The following ANKRD13C variants were observed in gnomAD, a reference collection of about 807,000 sequenced individuals.
ANKRD13C encodes the protein ankyrin repeat domain-containing protein 13C.
A neutral mutation model predicts 65.5 loss-of-function variants in ANKRD13C; 16 were observed. The ratio of observed to expected loss-of-function variants is 0.24; its 90% CI spans 0.17 to 0.37. ANKRD13C has a LOEUF of 0.37. Ranked by LOEUF, ANKRD13C falls within the 10% of genes least tolerant of loss-of-function variation. The pLI is 1.00. For synonymous variants in ANKRD13C, 235 were observed against 238.7 expected (o/e 0.98, Z 0.14); for missense variants, 503 against 655.9 (o/e 0.77, Z 2.55).
Position 70,308,598 on chromosome 1 carries a change from G to A in ANKRD13C, c.710-2308C>T, listed in dbSNP as rs150266842. Among the ~76,000 whole-genome samples, 893 of 152,014 alleles carry A rather than the reference G, an allele frequency of 5.9e-3. 9 individuals are homozygous for A. Among genetic ancestry groups the A allele is most frequent in the African/African-American group, 0.02 (831 of 41,504 alleles). On this transcript the variant is annotated intron_variant, in intron 5 of 12. Coordinates refer to ENST00000370944, the MANE Select transcript of ANKRD13C (RefSeq NM_030816.5). ...ACTAAAAATAGAAAAAATTAGCCAGGTGTGGTGGCGGGCGCCTGTAGTCCC... is the reference window on the plus strand; with the variant it reads ...ACTAAAAATAGAAAAAATTAGCCAGATGTGGTGGCGGGCGCCTGTAGTCCC...
intron 11 of ANKRD13C, among the ~76,000 whole-genome samples, chr1:70,272,465 C>G (rs1678933525): frequency 6.6e-6 from 1 of 151,966 alleles, no homozygotes; most frequent in African/African-American, 2.4e-5. Flanking sequence ...GGTGATCCAC[C>G]CGCCTCAGCC....
chr1:70,302,594 CG>C (rs1441580214), intron 6 of ANKRD13C, among the ~76,000 whole-genome samples: 22 of 135,276 alleles, frequency 1.6e-4, no homozygotes, highest in Admixed American at 1.4e-3. Context: ...GGCGTAGTGG[CG>C]GGCGCCTGTA....
At chr1:70,315,670 TGCACGTGCATG>T in intron 3 of ANKRD13C, 104 bp from the exon 4 acceptor site, 1 of 818,010 alleles carries the variant, frequency 1.2e-6, no homozygotes, top group Non-Finnish European at 1.9e-6. Context: ...TACACATATA[TGCACGTGCATG>T]TATGTGTGTA....
chr1:70,334,071 C>CATTGAAAAAAAAAT (rs1681916955), intron 2 of ANKRD13C, among the ~76,000 whole-genome samples: 1 of 152,182 alleles, frequency 6.6e-6, no homozygotes, highest in Admixed American at 6.5e-5. Flanking sequence ...CATCTGTAAT[C>CATTGAAAAAAAAAT]CCAGTGTTCT....
intron 1 of ANKRD13C, among the ~76,000 whole-genome samples, chr1:70,346,356 A>G (rs1234445741): frequency 6.6e-6 from 1 of 152,226 alleles, no homozygotes; most frequent in Non-Finnish European, 1.5e-5. Flanking sequence ...AGTGAACAAT[A>G]CAATGACTAC....
intron 7 of ANKRD13C, among the ~76,000 whole-genome samples, chr1:70,297,236 C>T (rs1680119346): frequency 6.7e-6 from 1 of 150,346 alleles, no homozygotes; most frequent in Admixed American, 6.7e-5. Flanking sequence ...CCAAGAGGCC[C>T]ATTTTCTATT....
intron 3 of ANKRD13C, among the ~76,000 whole-genome samples, chr1:70,318,679 G>GTTTTTTTTTTTTT: frequency 1.1e-5 from 1 of 94,210 alleles, no homozygotes; most frequent in Non-Finnish European, 2.0e-5. Context: ...ATCAATCTTT[G>GTTTTTTTTTTTTT]TTTTTTTTTT....
Position 70,331,820 on chromosome 1 carries a change from CA to C in ANKRD13C, c.472+4237del, listed in dbSNP as rs10526340. 1.2e-3 allele frequency among the ~76,000 whole-genome samples: 85 copies of C among 70,030 alleles called. No individual in the cohort carries two copies. In the East Asian group the frequency reaches 0.025, roughly 21 times the overall value. The allele number at this position is 70,030 out of a possible 152,430, so 45.9% of individuals were successfully genotyped here. ...CTAGGCAACAGAGCAAGACTCGACT[CA>C]AAAAAAAAAAAAAAAAAAAAAAGGA... On this transcript the variant is annotated intron_variant, in intron 2 of 12. Coordinates refer to ENST00000370944, the MANE Select transcript of ANKRD13C (RefSeq NM_030816.5).
intron 2 of ANKRD13C, among the ~76,000 whole-genome samples, chr1:70,325,199 G>A (rs1681482323): frequency 1.3e-5 from 2 of 151,962 alleles, no homozygotes; most frequent in South Asian, 2.1e-4. Flanking sequence ...CTGCAAAGAA[G>A]GTATCATGTT....
At chr1:70,348,127 T>A (rs1222294411) in intron 1 of ANKRD13C, among the ~76,000 whole-genome samples, 1 of 151,874 alleles carries the variant, frequency 6.6e-6, no homozygotes, top group South Asian at 2.1e-4. Context: ...TATTACATAT[T>A]ATTCTTTTGT....
At chr1:70,281,881 T>C (rs993822388) in intron 9 of ANKRD13C, among the ~76,000 whole-genome samples, 1 of 150,996 alleles carries the variant, frequency 6.6e-6, no homozygotes, top group South Asian at 2.1e-4. Flanking sequence ...ACCCCGTCTC[T>C]ACTAACTACT....
At chr1:70,341,423 A>C (rs974617651) in intron 1 of ANKRD13C, among the ~76,000 whole-genome samples, 27 of 138,660 alleles carry the variant, frequency 1.9e-4, no homozygotes, top group Non-Finnish European at 3.5e-4. Context: ...GTGGAATAGT[A>C]CAATCTCGGC....
intron 9 of ANKRD13C, 112 bp from the exon 10 acceptor site, chr1:70,276,956 T>C: frequency 1.2e-6 from 1 of 851,042 alleles, no homozygotes; most frequent in Non-Finnish European, 1.8e-6. Flanking sequence ...ATCTACTTAA[T>C]CTCTTCAATA....
chr1:70,336,326 G>C (rs561340225), intron 1 of ANKRD13C, among the ~76,000 whole-genome samples: 1 of 152,146 alleles, frequency 6.6e-6, no homozygotes, highest in South Asian at 2.1e-4. Flanking sequence ...TATCCATTTT[G>C]AGATTTATTT....
At position 70,344,818 on chromosome 1, in the gene ANKRD13C, T is replaced by C. The variant is rs1466488201; in HGVS notation, c.431-8719A>G. ...GTATAGATATATCTATTGATATTTATCATATTAGAAATTAAGATTTTTAAA... is the reference window on the plus strand; with the variant it reads ...GTATAGATATATCTATTGATATTTACCATATTAGAAATTAAGATTTTTAAA... On this transcript the variant is annotated intron_variant, in intron 1 of 12. Transcript: ENST00000370944. Among the ~76,000 whole-genome samples the C allele has an allele frequency of 6.6e-5, 10 of 152,120 alleles. No homozygotes were observed. In the East Asian group the frequency reaches 1.9e-3, roughly 29 times the overall value.
chr1:70,287,459 C>CA (rs1679672518), intron 9 of ANKRD13C, among the ~76,000 whole-genome samples: 1 of 151,942 alleles, frequency 6.6e-6, no homozygotes, highest in African/African-American at 2.4e-5. Flanking sequence ...TGGTCATTTC[C>CA]TTAAATGTAA....
intron 9 of ANKRD13C, among the ~76,000 whole-genome samples, chr1:70,287,324 C>G (rs954662290): frequency 1.3e-5 from 2 of 151,422 alleles, no homozygotes; most frequent in African/African-American, 4.9e-5. Flanking sequence ...TCTCAGCAGG[C>G]AATACAATGG....
chr1:70,300,444 C>T (rs943161457), intron 7 of ANKRD13C, among the ~76,000 whole-genome samples: 6 of 151,942 alleles, frequency 3.9e-5, no homozygotes, highest in South Asian at 2.1e-4. Context: ...AAAAATTAGC[C>T]GGGCTTGGTG....
At chr1:70,333,447 T>C (rs540930254) in intron 2 of ANKRD13C, among the ~76,000 whole-genome samples, 1 of 152,284 alleles carries the variant, frequency 6.6e-6, no homozygotes, top group East Asian at 1.9e-4. Context: ...AAAGTAAACA[T>C]ACTTCCTTTG....
Sources: allele counts gnomAD v4.1 joint callset (sites outside exome capture counted in the v4.1 genomes callset), GRCh38; gene constraint gnomAD v4.1.1; transcripts MANE v1.5; gene names NCBI Gene and HGNC (gene_info 2026-07-23, HGNC 2026-07-21).